Variants in PPP2R2B observed in about 807,000 individuals in gnomAD.
The protein encoded by PPP2R2B is serine/threonine-protein phosphatase 2A 55 kDa regulatory subunit B beta isoform.
In PPP2R2B, 5 loss-of-function variants were observed where a neutral mutation model predicts 46.0. The observed-to-expected ratio is 0.11, with a 90% CI of 0.06 to 0.23. The LOEUF is 0.23. Among genes scored for constraint, PPP2R2B ranks in the 10% least tolerant of loss-of-function variants. The pLI, the probability that PPP2R2B is intolerant of heterozygous loss-of-function variation, is 1.00. For synonymous variants in PPP2R2B, 215 were observed against 206.7 expected, an observed-to-expected ratio of 1.04 and a Z score of -0.34; for missense variants, 367 against 575.0, an observed-to-expected ratio of 0.64 and a Z score of 3.70.
intron 7 of PPP2R2B, among the ~76,000 whole-genome samples, chr5:146,628,158 T>C (rs1277234174): frequency 6.6e-6 from 1 of 152,146 alleles, no homozygotes; most frequent in Non-Finnish European, 1.5e-5. Flanking sequence ...TTGGCCAGGC[T>C]GGTCTCGAAC....
chr5:146,716,437 A>G (rs1356835973), intron 2 of PPP2R2B, among the ~76,000 whole-genome samples: 1 of 151,104 alleles, frequency 6.6e-6, no homozygotes, highest in Non-Finnish European at 1.5e-5. Flanking sequence ...GAATAAAAGA[A>G]TGTAAAATCT....
intron 1 of PPP2R2B, among the ~76,000 whole-genome samples, chr5:146,939,621 A>G (rs910386696): frequency 6.6e-6 from 1 of 152,200 alleles, no homozygotes; most frequent in South Asian, 2.1e-4. Flanking sequence ...ATATCTATTT[A>G]TGAGGTGAAC....
chr5:146,619,538 G>A (rs941224152), intron 7 of PPP2R2B, among the ~76,000 whole-genome samples: 1 of 152,194 alleles, frequency 6.6e-6, no homozygotes, highest in Non-Finnish European at 1.5e-5. Context: ...CAGCCATGCA[G>A]AAATGGGGCT....
chr5:147,013,762 G>T (rs1339573768), intron 1 of PPP2R2B, among the ~76,000 whole-genome samples: 1 of 74,270 alleles, frequency 1.3e-5, no homozygotes, highest in East Asian at 3.5e-4. Flanking sequence ...TTAAACATTA[G>T]ACCTAAAACC....
At chr5:146,810,533 G>A (rs114293330) in intron 2 of PPP2R2B, among the ~76,000 whole-genome samples, 1,588 of 152,120 alleles carry the variant, frequency 0.01, 20 homozygotes, top group African/African-American at 0.035. Context: ...TACCAGATGC[G>A]GAAACTCAGA....
intron 2 of PPP2R2B, among the ~76,000 whole-genome samples, chr5:146,767,635 T>C (rs1366021928): frequency 1.3e-5 from 2 of 152,106 alleles, no homozygotes; most frequent in African/African-American, 4.8e-5. Flanking sequence ...TATAGAGATT[T>C]CCCATACACT....
intron 2 of PPP2R2B, among the ~76,000 whole-genome samples, chr5:146,765,363 A>T (rs1754414347): frequency 6.6e-6 from 1 of 152,212 alleles, no homozygotes; most frequent in South Asian, 2.1e-4. Context: ...AGAAAGTTTC[A>T]TAAGGGCTTT....
chr5:146,689,547 C>T (rs925201472), intron 5 of PPP2R2B, among the ~76,000 whole-genome samples: 2 of 152,168 alleles, frequency 1.3e-5, no homozygotes, highest in African/African-American at 4.8e-5. Flanking sequence ...CATAAGTATA[C>T]TCTATGATGT....
intron 2 of PPP2R2B, among the ~76,000 whole-genome samples, chr5:147,071,850 A>G (rs1256674544): frequency 6.6e-6 from 1 of 152,192 alleles, no homozygotes; most frequent in East Asian, 1.9e-4. Flanking sequence ...TGCCAAGCAC[A>G]TAGTAGGTGC....
chr5:146,750,468 C>T (rs1032545125), intron 2 of PPP2R2B, among the ~76,000 whole-genome samples: 1 of 152,126 alleles, frequency 6.6e-6, no homozygotes, highest in Non-Finnish European at 1.5e-5. Flanking sequence ...ACTAGGGTAA[C>T]AAATTCAGTT....
chr5:146,759,167 A>T (rs1754008885), intron 2 of PPP2R2B, among the ~76,000 whole-genome samples: 1 of 152,176 alleles, frequency 6.6e-6, no homozygotes, highest in African/African-American at 2.4e-5. Context: ...CTCCATGTTG[A>T]TGTCATTTTT....
Position 146,938,083 on chromosome 5 carries a change from C to T in PPP2R2B, c.79+117582G>A, listed in dbSNP as rs931751715. Among the ~76,000 whole-genome samples, 77 of 152,116 alleles carry T rather than the reference C, an allele frequency of 5.1e-4. 1 individual carries two copies. The highest frequency in any genetic ancestry group is 1.7e-3 in the African/African-American group (72 of 41,506). On this transcript the variant is annotated intron_variant, in intron 1 of 8. Transcript: ENST00000336640. The stretch of plus-strand genomic sequence containing the variant: ...AAGGAAAAATTTTACTGGGCCAAAA[C>T]GTAAAATTGCTTAGATTGAGGTACC...
chr5:147,050,328 GA>G (rs1266292625), intron 1 of PPP2R2B, among the ~76,000 whole-genome samples: 1 of 152,144 alleles, frequency 6.6e-6, no homozygotes, highest in Non-Finnish European at 1.5e-5. Flanking sequence ...TTTATAAGAT[GA>G]GAATGATGGA....
chr5:146,879,708 A>T (rs550140565), upstream of PPP2R2B, among the ~76,000 whole-genome samples: 1 of 152,354 alleles, frequency 6.6e-6, no homozygotes, highest in Admixed American at 6.5e-5. Flanking sequence ...CTTTTGAAAG[A>T]AAATGAGATT....
intron 6 of PPP2R2B, among the ~76,000 whole-genome samples, chr5:146,645,229 A>G (rs547574911): frequency 1.3e-5 from 2 of 152,364 alleles, no homozygotes; most frequent in Admixed American, 1.3e-4. Flanking sequence ...TCCATGGTCT[A>G]AATTTAATCT....
intron 2 of PPP2R2B, among the ~76,000 whole-genome samples, chr5:146,756,602 A>G (rs773211584): frequency 2.2e-4 from 34 of 152,332 alleles, no homozygotes; most frequent in Admixed American, 1.6e-3. Flanking sequence ...TTCTGGCTGC[A>G]AAGTCTTAAG....
intron 1 of PPP2R2B, among the ~76,000 whole-genome samples, chr5:146,901,684 G>A (rs1275860476): frequency 1.3e-5 from 2 of 152,096 alleles, no homozygotes; most frequent in African/African-American, 4.8e-5. Context: ...AGATAATGAA[G>A]AGAATTTGGT....
intron 2 of PPP2R2B, among the ~76,000 whole-genome samples, chr5:146,868,118 C>G (rs1761415129): frequency 6.6e-6 from 1 of 152,230 alleles, no homozygotes. Flanking sequence ...GTTCCACCAG[C>G]CACCTTTGCT....
At chr5:147,045,995 G>A (rs531199309) in intron 1 of PPP2R2B, among the ~76,000 whole-genome samples, 2 of 152,020 alleles carry the variant, frequency 1.3e-5, no homozygotes, top group East Asian at 1.9e-4. Flanking sequence ...ATAAAGCCTC[G>A]TTAGATCTTG....
Sources: allele counts gnomAD v4.1 joint callset (sites outside exome capture counted in the v4.1 genomes callset), GRCh38; gene constraint gnomAD v4.1.1; transcripts MANE v1.5; gene names NCBI Gene and HGNC (gene_info 2026-07-23, HGNC 2026-07-21).